SPON1: variants seen among roughly 807,000 people sequenced by gnomAD.
SPON1 encodes the protein spondin-1.
Under a neutral mutation model 111.7 loss-of-function variants are expected in SPON1, and 52 were observed. That is an observed-to-expected ratio of 0.47 (90% confidence interval 0.37 to 0.59). The LOEUF is 0.59. SPON1 is among the 20% of genes least tolerant of loss of function. The pLI, the probability that SPON1 is intolerant of heterozygous loss-of-function variation, is 0.00. For synonymous variants in SPON1, 410 were observed against 395.8 expected (o/e 1.04, Z -0.43); for missense variants, 957 against 1,068.5 (o/e 0.90, Z 1.46).
chr11:14,091,120 C>T (rs905194590), intron 5 of SPON1, among the ~76,000 whole-genome samples: 5 of 152,142 alleles, frequency 3.3e-5, no homozygotes, highest in Admixed American at 2.6e-4. Flanking sequence ...AAAGCCCCAC[C>T]AGAGCAGCTA....
intron 6 of SPON1, among the ~76,000 whole-genome samples, chr11:14,201,585 A>G (rs1848464635): frequency 6.6e-6 from 1 of 151,892 alleles, no homozygotes; most frequent in Non-Finnish European, 1.5e-5. Flanking sequence ...TTTAGAAGAG[A>G]TGAGGTCTCA....
intron 2 of SPON1, among the ~76,000 whole-genome samples, chr11:14,040,920 T>C (rs1341502370): frequency 6.6e-6 from 1 of 152,082 alleles, no homozygotes. Context: ...GGAGAAGAGA[T>C]GGAACATCCT....
chr11:14,112,140 G>A (rs1194576693), intron 5 of SPON1, among the ~76,000 whole-genome samples: 1 of 151,550 alleles, frequency 6.6e-6, no homozygotes, highest in Non-Finnish European at 1.5e-5. Context: ...GAAAAAAGCT[G>A]GCAGACCAAA....
At chr11:14,258,043 T>C in intron 11 of SPON1, 145 bp downstream of exon 11, 2 of 647,922 alleles carry the variant, frequency 3.1e-6, no homozygotes, top group Non-Finnish European at 4.9e-6. Context: ...AACTCCTATC[T>C]GCAACAGTGT....
At chr11:14,197,009 C>G (rs1554935153) in intron 6 of SPON1, among the ~76,000 whole-genome samples, 1 of 152,218 alleles carries the variant, frequency 6.6e-6, no homozygotes, top group African/African-American at 2.4e-5. Flanking sequence ...GAGATGGCAC[C>G]ACTGCACTCT....
At chr11:13,972,919 G>A (rs151220518) in intron 1 of SPON1, among the ~76,000 whole-genome samples, 3 of 152,188 alleles carry the variant, frequency 2.0e-5, no homozygotes, top group Admixed American at 6.5e-5. Context: ...TGGGTCTAGT[G>A]ACTCAAATGG....
At chr11:14,177,102 G>A (rs929513034) in intron 6 of SPON1, among the ~76,000 whole-genome samples, 2 of 152,072 alleles carry the variant, frequency 1.3e-5, no homozygotes, top group Admixed American at 6.5e-5. Context: ...GTGCAGTGGC[G>A]CCATCTCAGC....
intron 6 of SPON1, among the ~76,000 whole-genome samples, chr11:14,185,391 T>C (rs1848275694): frequency 6.6e-6 from 1 of 152,232 alleles, no homozygotes; most frequent in Non-Finnish European, 1.5e-5. Context: ...TGAATGTATG[T>C]GCCCCCCGCT....
intron 6 of SPON1, among the ~76,000 whole-genome samples, chr11:14,222,669 A>C (rs1241768511): frequency 6.6e-6 from 1 of 152,204 alleles, no homozygotes; most frequent in African/African-American, 2.4e-5. Flanking sequence ...TCAGGTCGGA[A>C]AAATACCTCC....
intron 2 of SPON1, among the ~76,000 whole-genome samples, chr11:14,011,291 T>C (rs1433447429): frequency 1.3e-5 from 2 of 152,202 alleles, no homozygotes; most frequent in African/African-American, 4.8e-5. Context: ...TTGTGACTTC[T>C]AGGCATGGCC....
At chr11:14,185,258 G>A (rs1381792475) in intron 6 of SPON1, among the ~76,000 whole-genome samples, 1 of 152,156 alleles carries the variant, frequency 6.6e-6, no homozygotes, top group African/African-American at 2.4e-5. Context: ...AAATATTATA[G>A]CTATTGTTCA....
At chr11:14,191,100 T>G (rs58698042) in intron 6 of SPON1, among the ~76,000 whole-genome samples, 280 of 152,322 alleles carry the variant, frequency 1.8e-3, no homozygotes, top group African/African-American at 6.6e-3. Context: ...TTGAATACTT[T>G]GTGAAGTTCC....
At chr11:14,146,742 A>T (rs1554929385) in intron 6 of SPON1, among the ~76,000 whole-genome samples, 1 of 152,208 alleles carries the variant, frequency 6.6e-6, no homozygotes, top group Non-Finnish European at 1.5e-5. Flanking sequence ...GTGTGAAGCT[A>T]GAGAGTGAAT....
At chr11:13,987,915 C>G (rs2697848) in intron 2 of SPON1, among the ~76,000 whole-genome samples, 51,975 of 151,950 alleles carry the variant, frequency 0.34, 10,356 homozygotes, top group East Asian at 0.69. Context: ...GTCTATATAT[C>G]TGTTTTGGTA....
At chr11:14,116,414 A>G (rs189978782) in intron 5 of SPON1, among the ~76,000 whole-genome samples, 1 of 152,162 alleles carries the variant, frequency 6.6e-6, no homozygotes, top group African/African-American at 2.4e-5. Flanking sequence ...GAATTTGTGT[A>G]TGGTGTGAGG....
intron 6 of SPON1, among the ~76,000 whole-genome samples, chr11:14,225,253 G>A (rs946327874): frequency 2.0e-4 from 31 of 152,122 alleles, no homozygotes; most frequent in African/African-American, 6.5e-4. Flanking sequence ...GGTTATCTGT[G>A]GGTAGTGGGA....
At chr11:14,142,219 A>G (rs1847664767) in intron 6 of SPON1, among the ~76,000 whole-genome samples, 1 of 152,208 alleles carries the variant, frequency 6.6e-6, no homozygotes, top group African/African-American at 2.4e-5. Flanking sequence ...AGCTATCATT[A>G]CCATGTTTTC....
chr11:14,213,115 C>G (rs782097091), intron 6 of SPON1, among the ~76,000 whole-genome samples: 9 of 152,178 alleles, frequency 5.9e-5, no homozygotes, highest in Non-Finnish European at 5.9e-5. Flanking sequence ...AACAGAGATG[C>G]TGACAAACAC....
intron 5 of SPON1, among the ~76,000 whole-genome samples, chr11:14,133,608 G>A (rs565673276): frequency 6.6e-6 from 1 of 152,280 alleles, no homozygotes; most frequent in African/African-American, 2.4e-5. Context: ...AGAAGGGCAG[G>A]GAGAGCAAGA....
Sources: allele counts gnomAD v4.1 joint callset (sites outside exome capture counted in the v4.1 genomes callset), GRCh38; gene constraint gnomAD v4.1.1; transcripts MANE v1.5; gene names NCBI Gene and HGNC (gene_info 2026-07-23, HGNC 2026-07-21).